Variants in CCSER1 observed in about 807,000 individuals in gnomAD.
CCSER1 encodes the protein coiled-coil serine rich protein 1, also known as serine-rich coiled-coil domain-containing protein 1.
In CCSER1, 41 loss-of-function variants were observed where a neutral mutation model predicts 82.0. That is an observed-to-expected ratio of 0.50 (90% CI 0.39 to 0.65). CCSER1 has a LOEUF of 0.65. CCSER1 is among the 30% of genes least tolerant of loss of function. The pLI is 0.00. For synonymous variants in CCSER1, 414 were observed against 383.9 expected, an observed-to-expected ratio of 1.08 and a Z score of -0.92; for missense variants, 1,119 against 1,064.2, an observed-to-expected ratio of 1.05 and a Z score of -0.72.
At chr4:90,774,107 A>G (rs569634146) in intron 7 of CCSER1, among the ~76,000 whole-genome samples, 1 of 152,288 alleles carries the variant, frequency 6.6e-6, no homozygotes, top group South Asian at 2.1e-4. Context: ...TTGAACTCTC[A>G]GTACTTATTT....
intron 5 of CCSER1, among the ~76,000 whole-genome samples, chr4:90,532,745 A>G (rs1774710617): frequency 6.6e-6 from 1 of 152,140 alleles, no homozygotes; most frequent in Admixed American, 6.5e-5. Context: ...ATTTAAAGGA[A>G]ATTAGTTTTA....
At chr4:90,712,651 T>C (rs1740850729) in intron 6 of CCSER1, among the ~76,000 whole-genome samples, 1 of 151,958 alleles carries the variant, frequency 6.6e-6, no homozygotes, top group South Asian at 2.1e-4. Context: ...ATCCGTCAGG[T>C]CCACTTAATC....
At chr4:90,898,570 G>A (rs576915664) in intron 8 of CCSER1, among the ~76,000 whole-genome samples, 101 of 151,718 alleles carry the variant, frequency 6.7e-4, no homozygotes, top group African/African-American at 2.4e-3. Context: ...TTACAGGTGT[G>A]AGCCACCATC....
chr4:90,903,500 T>A (rs911570643), intron 8 of CCSER1, among the ~76,000 whole-genome samples: 1 of 152,048 alleles, frequency 6.6e-6, no homozygotes, highest in Non-Finnish European at 1.5e-5. Flanking sequence ...AATATACATA[T>A]CAAGCAACTT....
intron 6 of CCSER1, chr4:90,683,110 G>T (rs1734189684): frequency 6.6e-6 from 1 of 152,132 alleles, no homozygotes; most frequent in Admixed American, 6.6e-5. Flanking sequence ...AAAGATGAGA[G>T]ATTAAGAAGC....
At chr4:91,407,628 C>A (rs536947214) in intron 10 of CCSER1, among the ~76,000 whole-genome samples, 1 of 152,098 alleles carries the variant, frequency 6.6e-6, no homozygotes, top group Non-Finnish European at 1.5e-5. Context: ...GCTTCTGATG[C>A]GGGAGCTTCA....
chr4:90,329,369 C>T (rs12108354), intron 3 of CCSER1, among the ~76,000 whole-genome samples: 8,408 of 152,090 alleles, frequency 0.055, 639 homozygotes, highest in African/African-American at 0.17. Context: ...ATTTAAAGTG[C>T]TATACAAGTG....
chr4:90,387,641 C>T (rs1441281378), intron 3 of CCSER1, among the ~76,000 whole-genome samples: 1 of 152,136 alleles, frequency 6.6e-6, no homozygotes, highest in Non-Finnish European at 1.5e-5. Context: ...ATCAATCAAT[C>T]AGTCAATGAT....
At chr4:91,019,332 C>G (rs750712902) in intron 9 of CCSER1, among the ~76,000 whole-genome samples, 8 of 151,708 alleles carry the variant, frequency 5.3e-5, no homozygotes. Flanking sequence ...TCCATGGGTT[C>G]TATGTAAAGC....
chr4:90,559,252 T>G (rs1048005217), intron 5 of CCSER1, among the ~76,000 whole-genome samples: 14 of 152,220 alleles, frequency 9.2e-5, no homozygotes, highest in Admixed American at 7.2e-4. Context: ...ACTTTTTTTA[T>G]AGGTTCTAAT....
intron 5 of CCSER1, among the ~76,000 whole-genome samples, chr4:90,481,268 G>C (rs537321863): frequency 4.6e-4 from 70 of 152,210 alleles, no homozygotes; most frequent in African/African-American, 1.5e-3. Flanking sequence ...TGGAGATTTT[G>C]GGCTGAGACA....
chr4:91,472,443 C>A (rs1383011120), intron 10 of CCSER1, among the ~76,000 whole-genome samples: 1 of 152,072 alleles, frequency 6.6e-6, no homozygotes, highest in Non-Finnish European at 1.5e-5. Flanking sequence ...CAATAGTAAA[C>A]CCCAATCCTT....
At chr4:90,975,210 GAA>G (rs1735496692) in intron 9 of CCSER1, among the ~76,000 whole-genome samples, 1 of 151,316 alleles carries the variant, frequency 6.6e-6, no homozygotes, top group Non-Finnish European at 1.5e-5. Context: ...GGGGTTAAGA[GAA>G]GGGAGAGTAG....
intron 2 of CCSER1, 30 bp from the exon 3 acceptor site, chr4:90,312,833 C>T (rs1396853180): frequency 2.2e-5 from 32 of 1,451,382 alleles, no homozygotes; most frequent in Non-Finnish European, 2.9e-5. Flanking sequence ...AAATATTTAC[C>T]TTCATTTTTA....
intron 10 of CCSER1, among the ~76,000 whole-genome samples, chr4:91,095,379 C>A (rs1251419106): frequency 6.6e-6 from 1 of 152,190 alleles, no homozygotes; most frequent in Non-Finnish European, 1.5e-5. Flanking sequence ...ACCCCCCTTT[C>A]CCTGCCCTTT....
chr4:90,525,198 T>C (rs747977540), intron 5 of CCSER1, among the ~76,000 whole-genome samples: 21 of 152,198 alleles, frequency 1.4e-4, no homozygotes, highest in African/African-American at 2.2e-4. Context: ...AATCAGTCCA[T>C]TGTAAGTTGT....
chr4:90,415,271 C>A lies in CCSER1; in HGVS notation c.1603+15142C>A, dbSNP rs80097999. ...GAATCGGGAATAATTTGCTTAGCAACCCCCTTCAGTACAAGCTGAGACATC... is the reference window on the plus strand; with the variant it reads ...GAATCGGGAATAATTTGCTTAGCAAACCCCTTCAGTACAAGCTGAGACATC... On this transcript the variant is annotated intron_variant, in intron 4 of 10. Coordinates refer to ENST00000509176, the MANE Select transcript of CCSER1 (RefSeq NM_001145065.2). 2.1e-3 allele frequency among the ~76,000 whole-genome samples: 326 copies of A among 152,282 alleles called. 2 individuals carry two copies. Among genetic ancestry groups the A allele is most frequent in the Non-Finnish European group, 3.8e-3 (261 of 68,018 alleles).
intron 10 of CCSER1, among the ~76,000 whole-genome samples, chr4:91,377,801 G>C (rs1750546773): frequency 6.6e-6 from 1 of 152,270 alleles, no homozygotes; most frequent in African/African-American, 2.4e-5. Context: ...TGCTTTTGGT[G>C]TTTTAGACAT....
intron 7 of CCSER1, among the ~76,000 whole-genome samples, chr4:90,763,320 G>T (rs1286158397): frequency 3.3e-5 from 5 of 152,170 alleles, no homozygotes; most frequent in Middle Eastern, 3.4e-3. Flanking sequence ...CAGCCTGGAA[G>T]ATTTGGGAGG....
Sources: allele counts gnomAD v4.1 joint callset (sites outside exome capture counted in the v4.1 genomes callset), GRCh38; gene constraint gnomAD v4.1.1; transcripts MANE v1.5; gene names NCBI Gene and HGNC (gene_info 2026-07-23, HGNC 2026-07-21).